Variants in TRIP12 observed in about 807,000 individuals in gnomAD.
TRIP12 encodes thyroid hormone receptor interactor 12.
TRIP12 carries 25 observed loss-of-function variants against 244.2 expected under a neutral mutation model. The observed-to-expected ratio is 0.10, with a 90% CI of 0.07 to 0.14. The LOEUF (loss-of-function observed/expected upper bound fraction) is 0.14. Among genes scored for constraint, TRIP12 ranks in the 10% least tolerant of loss-of-function variants. The pLI, the probability that TRIP12 is intolerant of heterozygous loss-of-function variation, is 1.00. For synonymous variants in TRIP12, 905 were observed against 873.1 expected, an observed-to-expected ratio of 1.04 and a Z score of -0.64; for missense variants, 1,677 against 2,486.4, an observed-to-expected ratio of 0.67 and a Z score of 6.92.
upstream of TRIP12, chr2:229,922,050 C>G (rs2076696132): frequency 6.5e-6 from 1 of 154,184 alleles, no homozygotes; most frequent in Non-Finnish European, 1.4e-5. Context: ...CGCCTCCCTC[C>G]CCGCCTGCTC....
rs540997539 is a variant in TRIP12, at chr2:229,812,839, A to C, written c.1986+1031T>G. Among the ~76,000 whole-genome samples the C allele has an allele frequency of 3.0e-4, 46 of 152,246 alleles. 1 individual carries two copies. Among genetic ancestry groups the C allele is most frequent in the African/African-American group, 1.1e-3 (44 of 41,554 alleles). ...AAACAGAACAAAAAAAAATTCCTAA[A>C]TTGTTTAAAAATATTTTTATGAACC... On this transcript the variant is annotated intron_variant, in intron 13 of 41. Coordinates refer to ENST00000675903, the MANE Select transcript of TRIP12 (RefSeq NM_001348323.3).
intron 37 of TRIP12, among the ~76,000 whole-genome samples, chr2:229,774,644 A>G (rs547940956): frequency 6.6e-6 from 1 of 152,344 alleles, no homozygotes; most frequent in African/African-American, 2.4e-5. Flanking sequence ...GTATAAGTAT[A>G]CAGCCAATAC....
chr2:229,812,758 G>C (rs959677876), intron 13 of TRIP12, among the ~76,000 whole-genome samples: 1 of 152,102 alleles, frequency 6.6e-6, no homozygotes, highest in African/African-American at 2.4e-5. Context: ...GTGAGATCAC[G>C]CCACTGCACT....
At chr2:229,917,689 G>C (rs187715968) in intron 1 of TRIP12, among the ~76,000 whole-genome samples, 1 of 152,186 alleles carries the variant, frequency 6.6e-6, no homozygotes, top group African/African-American at 2.4e-5. Flanking sequence ...AACCAACCAA[G>C]AGAAAGCATT....
chr2:229,849,021 G>A (rs1168214788), intron 4 of TRIP12, among the ~76,000 whole-genome samples: 2 of 152,124 alleles, frequency 1.3e-5, no homozygotes, highest in Non-Finnish European at 2.9e-5. Context: ...ATCTAGAAAA[G>A]GGAAACTAAG....
intron 1 of TRIP12, among the ~76,000 whole-genome samples, chr2:229,903,520 A>G (rs2071690154): frequency 1.3e-5 from 2 of 152,052 alleles, no homozygotes; most frequent in Non-Finnish European, 2.9e-5. Flanking sequence ...AGGCAAGAAA[A>G]GCAGGAGATG....
intron 13 of TRIP12, among the ~76,000 whole-genome samples, chr2:229,813,535 G>C (rs1283055576): frequency 6.6e-6 from 1 of 152,150 alleles, no homozygotes; most frequent in Non-Finnish European, 1.5e-5. Context: ...TGTAATCCCA[G>C]CACTATGGGG....
intron 29 of TRIP12, 72 bp from the exon 30 acceptor site, chr2:229,791,323 A>C: frequency 6.6e-7 from 1 of 1,516,708 alleles, no homozygotes; most frequent in Non-Finnish European, 9.1e-7. Flanking sequence ...TCTAAGCCAC[A>C]GACACCACAG....
At chr2:229,794,566 AAAATAAAT>A (rs148461987) in intron 26 of TRIP12, among the ~76,000 whole-genome samples, 5 of 149,912 alleles carry the variant, frequency 3.3e-5, no homozygotes, top group East Asian at 3.9e-4. Context: ...ACTCTGTCCC[AAAATAAAT>A]AAATAAATAA....
intron 8 of TRIP12, among the ~76,000 whole-genome samples, chr2:229,826,260 T>C (rs1184669627): frequency 6.6e-6 from 1 of 152,204 alleles, no homozygotes; most frequent in Non-Finnish European, 1.5e-5. Flanking sequence ...CAACAGCTTG[T>C]TAAAATACAG....
chr2:229,812,237 A>C (rs926886357), intron 13 of TRIP12, among the ~76,000 whole-genome samples: 6 of 151,712 alleles, frequency 4.0e-5, no homozygotes, highest in African/African-American at 1.5e-4. Flanking sequence ...ATGGACCACC[A>C]CACCCGGCTA....
At chr2:229,889,149 A>AT (rs1322765409) in intron 1 of TRIP12, among the ~76,000 whole-genome samples, 8 of 152,248 alleles carry the variant, frequency 5.3e-5, no homozygotes, top group African/African-American at 1.9e-4. Flanking sequence ...TCAGAAGAGC[A>AT]TATCAATCTC....
At chr2:229,822,554 A>G (rs749906287) in intron 8 of TRIP12, among the ~76,000 whole-genome samples, 1 of 152,216 alleles carries the variant, frequency 6.6e-6, no homozygotes, top group Non-Finnish European at 1.5e-5. Context: ...TCAAGTCCTG[A>G]TTAAAGTTAG....
intron 1 of TRIP12, among the ~76,000 whole-genome samples, chr2:229,898,162 A>C (rs551993622): frequency 6.6e-6 from 1 of 152,230 alleles, no homozygotes; most frequent in Non-Finnish European, 1.5e-5. Flanking sequence ...TTCCATTCTT[A>C]AGGATTTCAT....
At chr2:229,860,771 A>G (rs558787336) in intron 2 of TRIP12, among the ~76,000 whole-genome samples, 4 of 152,220 alleles carry the variant, frequency 2.6e-5, no homozygotes, top group African/African-American at 9.6e-5. Context: ...ACCAGTAGTC[A>G]TAATTGCACA....
At chr2:229,842,285 C>T (rs2056609549) in intron 4 of TRIP12, among the ~76,000 whole-genome samples, 1 of 152,146 alleles carries the variant, frequency 6.6e-6, no homozygotes. Context: ...GCCAGAATTA[C>T]CTGATATAAT....
In TRIP12 at chr2:229,892,568, C is replaced by G. The variant is rs747840289; in HGVS notation, c.-49-12440G>C. On this transcript the variant is annotated intron_variant, in intron 1 of 41. Coordinates refer to ENST00000675903, the MANE Select transcript of TRIP12 (RefSeq NM_001348323.3). Reference sequence around the variant, plus strand: ...TGTCACCCATTTGAGAATAATGTGACAAAATACAAAAAAAATTAGGTCAGG... The same window carrying G: ...TGTCACCCATTTGAGAATAATGTGAGAAAATACAAAAAAAATTAGGTCAGG... Among the ~76,000 whole-genome samples the G allele has an allele frequency of 7.9e-5, 12 of 152,044 alleles. 1 individual carries two copies. The South Asian group carries it at 2.3e-3, about 29-fold the overall frequency.
chr2:229,810,170 G>C (rs1362724789), intron 15 of TRIP12, among the ~76,000 whole-genome samples: 2 of 152,190 alleles, frequency 1.3e-5, no homozygotes, highest in Non-Finnish European at 2.9e-5. Flanking sequence ...GAACAGCCTA[G>C]GCAATACAGT....
At chr2:229,886,946 A>G (rs1024401753) in intron 1 of TRIP12, among the ~76,000 whole-genome samples, 9 of 152,226 alleles carry the variant, frequency 5.9e-5, no homozygotes, top group African/African-American at 1.7e-4. Context: ...TGGTAGTGCA[A>G]ATAACCTTCT....
Sources: allele counts gnomAD v4.1 joint callset (sites outside exome capture counted in the v4.1 genomes callset), GRCh38; gene constraint gnomAD v4.1.1; transcripts MANE v1.5; gene names NCBI Gene and HGNC (gene_info 2026-07-23, HGNC 2026-07-21).